ARL15: variants seen among roughly 807,000 people sequenced by gnomAD.
The protein encoded by ARL15 is ADP-ribosylation factor-like protein 15.
Under a neutral mutation model 25.2 loss-of-function variants are expected in ARL15, and 19 were observed. The observed-to-expected ratio is 0.75, with a 90% CI of 0.53 to 1.10. The LOEUF (loss-of-function observed/expected upper bound fraction) is 1.10, where lower values mean the gene tolerates loss of function less well. ARL15 is among the 50% of genes least tolerant of loss of function. ARL15 has a pLI of 0.00. For synonymous variants in ARL15, 94 were observed against 86.8 expected (o/e 1.08, Z -0.46); for missense variants, 220 against 246.0 (o/e 0.89, Z 0.71).
intron 4 of ARL15, among the ~76,000 whole-genome samples, chr5:53,917,387 T>C (rs1745686513): frequency 6.6e-6 from 1 of 152,212 alleles, no homozygotes; most frequent in Non-Finnish European, 1.5e-5. Context: ...TACAGACACC[T>C]TTTAGACAAG....
chr5:54,192,068 C>G (rs889510478), intron 1 of ARL15, among the ~76,000 whole-genome samples: 1 of 152,154 alleles, frequency 6.6e-6, no homozygotes, highest in Admixed American at 6.5e-5. Flanking sequence ...TCCTGGCCCA[C>G]GCTTGGTAAC....
intron 3 of ARL15, among the ~76,000 whole-genome samples, chr5:54,116,523 C>T (rs1354241076): frequency 6.6e-6 from 1 of 152,188 alleles, no homozygotes; most frequent in Non-Finnish European, 1.5e-5. Context: ...ATGTGCAGTG[C>T]ACAGTTTTCA....
intron 4 of ARL15, among the ~76,000 whole-genome samples, chr5:54,090,889 G>C (rs763870235): frequency 6.6e-6 from 1 of 152,134 alleles, no homozygotes; most frequent in South Asian, 2.1e-4. Flanking sequence ...GCTTAGGGCT[G>C]AGATTAGACT....
At chr5:54,219,956 CAT>C (rs1322307079) in intron 1 of ARL15, among the ~76,000 whole-genome samples, 1 of 152,082 alleles carries the variant, frequency 6.6e-6, no homozygotes. Flanking sequence ...AAGGAATAAA[CAT>C]ATTTCTTTGC....
At chr5:54,125,657 T>A (rs1753228538) in intron 3 of ARL15, among the ~76,000 whole-genome samples, 1 of 152,350 alleles carries the variant, frequency 6.6e-6, no homozygotes, top group South Asian at 2.1e-4. Flanking sequence ...TGTTTGAACA[T>A]CTGTTTTCAA....
chr5:54,048,384 A>G (rs907742585), intron 4 of ARL15: 1 of 128,594 alleles, frequency 7.8e-6, no homozygotes, highest in Non-Finnish European at 1.7e-5. Context: ...TAAATTATAT[A>G]TATATAAATT....
chr5:54,191,929 A>G (rs1296525762), intron 1 of ARL15, among the ~76,000 whole-genome samples: 2 of 152,254 alleles, frequency 1.3e-5, no homozygotes, highest in East Asian at 3.9e-4. Flanking sequence ...CCCTTATAGC[A>G]GACTAAAAGG....
Position 54,120,889 on chromosome 5 carries a change from A to T in ARL15, c.254-7479T>A, listed in dbSNP as rs944698254. Among the ~76,000 whole-genome samples, 10 of 152,164 alleles carry T rather than the reference A, an allele frequency of 6.6e-5. No individual in the cohort carries two copies. The South Asian group carries it at 2.1e-3, about 32-fold the overall frequency. ...AAATAAGATCTTTTAATAATGCGGA[A>T]ATGCTACTGCTTTCTAGCACAACTT... is the stretch of plus-strand genomic sequence containing the variant. On this transcript the variant is annotated intron_variant, in intron 3 of 4. Coordinates refer to ENST00000504924, the MANE Select transcript of ARL15 (RefSeq NM_019087.3).
Position 53,928,675 on chromosome 5 carries a change from T to C in ARL15, c.463-41962A>G, listed in dbSNP as rs547847649. Among the ~76,000 whole-genome samples, 470 of 152,318 alleles carry C rather than the reference T, an allele frequency of 3.1e-3. 2 individuals are homozygous for C. Among genetic ancestry groups the C allele is most frequent in the Middle Eastern group, 0.024 (7 of 294 alleles). The stretch of plus-strand genomic sequence containing the variant: ...GCCCTCAAGTATATGGACATATTTA[T>C]GGGATAAACTTGAAAAAAATTTAAC... On this transcript the variant is annotated intron_variant, in intron 4 of 4. Coordinates refer to ENST00000504924, the MANE Select transcript of ARL15 (RefSeq NM_019087.3).
intron 2 of ARL15, among the ~76,000 whole-genome samples, chr5:54,158,531 T>A (rs1754307231): frequency 6.6e-6 from 1 of 152,240 alleles, no homozygotes; most frequent in Non-Finnish European, 1.5e-5. Flanking sequence ...TATTTCCTAA[T>A]TTAGCTGCTA....
intron 2 of ARL15, 62 bp from the exon 3 acceptor site, chr5:54,154,701 G>T: frequency 9.7e-7 from 1 of 1,029,628 alleles, no homozygotes. Flanking sequence ...AAACACTTAG[G>T]ATGCTCAAAT....
At chr5:54,178,257 G>C (rs1754942429) in intron 1 of ARL15, among the ~76,000 whole-genome samples, 1 of 152,150 alleles carries the variant, frequency 6.6e-6, no homozygotes, top group Admixed American at 6.5e-5. Flanking sequence ...TTCAATTGAT[G>C]CTCTGTTTTT....
chr5:53,986,642 A>G (rs1439613171), intron 4 of ARL15, among the ~76,000 whole-genome samples: 1 of 152,250 alleles, frequency 6.6e-6, no homozygotes, highest in Non-Finnish European at 1.5e-5. Flanking sequence ...TGCTATAATA[A>G]TTCTGAAGAG....
chr5:54,276,799 A>G (rs1162663493), intron 1 of ARL15, among the ~76,000 whole-genome samples: 2 of 152,236 alleles, frequency 1.3e-5, no homozygotes, highest in Non-Finnish European at 2.9e-5. Flanking sequence ...TGATAATGGA[A>G]GCAAAAGCTA....
At chr5:53,966,665 G>A (rs1747576076) in intron 4 of ARL15, among the ~76,000 whole-genome samples, 1 of 152,230 alleles carries the variant, frequency 6.6e-6, no homozygotes, top group African/African-American at 2.4e-5. Flanking sequence ...GTGGTGGAAA[G>A]CAACCCACAC....
Position 53,925,214 on chromosome 5 carries a change from T to G in ARL15, c.463-38501A>C, listed in dbSNP as rs540216313. 1.4e-4 allele frequency among the ~76,000 whole-genome samples: 21 copies of G among 150,800 alleles called. 1 individual carries two copies. The South Asian group carries it at 4.4e-3, about 32-fold the overall frequency. The stretch of plus-strand genomic sequence containing the variant: ...TCTATTTTTATAATTTTTTTTTTTT[T>G]GAGAAGGTGTCTCACTCTGTCACCG... On this transcript the variant is annotated intron_variant, in intron 4 of 4. Transcript: ENST00000504924.
At chr5:53,976,322 C>T (rs1475021253) in intron 4 of ARL15, among the ~76,000 whole-genome samples, 2 of 152,134 alleles carry the variant, frequency 1.3e-5, no homozygotes, top group Non-Finnish European at 2.9e-5. Flanking sequence ...GCACATGCTC[C>T]AAGAACAGGG....
At chr5:54,026,695 G>GT (rs1382841823) in intron 4 of ARL15, among the ~76,000 whole-genome samples, 1 of 152,146 alleles carries the variant, frequency 6.6e-6, no homozygotes, top group East Asian at 1.9e-4. Context: ...GGAGACATGG[G>GT]TAGAGCTGAG....
intron 4 of ARL15, among the ~76,000 whole-genome samples, chr5:54,002,288 A>T (rs1362426024): frequency 6.6e-6 from 1 of 152,202 alleles, no homozygotes; most frequent in Non-Finnish European, 1.5e-5. Context: ...CGTCCTCTAA[A>T]CATTAATGGA....
Sources: allele counts gnomAD v4.1 joint callset (sites outside exome capture counted in the v4.1 genomes callset), GRCh38; gene constraint gnomAD v4.1.1; transcripts MANE v1.5; gene names NCBI Gene and HGNC (gene_info 2026-07-23, HGNC 2026-07-21).